Variants in PEX13 observed in about 807,000 individuals in gnomAD.
PEX13 encodes the protein peroxisome biogenesis factor 13.
Under a neutral mutation model 34.5 loss-of-function variants are expected in PEX13, and 28 were observed. The observed-to-expected ratio is 0.81, with a 90% CI of 0.60 to 1.11. The LOEUF (loss-of-function observed/expected upper bound fraction) is 1.11, where lower values mean the gene tolerates loss of function less well. Ranked by LOEUF, PEX13 falls within the 50% of genes most tolerant of loss-of-function variation. The pLI, the probability that PEX13 is intolerant of heterozygous loss-of-function variation, is 0.00. For synonymous variants in PEX13, 177 were observed against 175.1 expected, an observed-to-expected ratio of 1.01 and a Z score of -0.09; for missense variants, 550 against 491.0, an observed-to-expected ratio of 1.12 and a Z score of -1.13.
intron 1 of PEX13, among the ~76,000 whole-genome samples, chr2:61,027,728 G>GTCC (rs1680383317): frequency 6.6e-6 from 1 of 152,090 alleles, no homozygotes; most frequent in South Asian, 2.1e-4. Context: ...TCTTCCATAA[G>GTCC]TCTGTCTTGT....
chr2:61,038,088 G>C (rs745575600), intron 2 of PEX13, among the ~76,000 whole-genome samples: 6 of 152,072 alleles, frequency 3.9e-5, no homozygotes, highest in Non-Finnish European at 5.9e-5. Context: ...ACCAATAACA[G>C]GTTCTGAAAT....
intron 2 of PEX13, among the ~76,000 whole-genome samples, chr2:61,042,027 GC>G (rs1305651659): frequency 6.6e-6 from 1 of 152,208 alleles, no homozygotes; most frequent in Non-Finnish European, 1.5e-5. Context: ...GCAAACCGTG[GC>G]TTGTGGGCCA....
rs1680776858 is a variant in PEX13 at position 61,050,376 on chromosome 2, A to AAAAC, written c.*1618_*1621dup. 1.3e-5 allele frequency: 2 copies of AAAAC among 152,286 alleles called. No individual in the cohort carries two copies. The highest frequency in any genetic ancestry group is 6.5e-5 in the Admixed American group (1 of 15,274). The allele number at this position is 152,286 out of a possible 1,614,324, so 9.4% of individuals were successfully genotyped here. ...AGGGGACAGAGCAAGACTCTGTCTC[A>AAAAC]AAACAAACAAACAAAAAATAATAAT... On this transcript the variant is annotated 3_prime_UTR_variant, in exon 4 of 4. Transcript: ENST00000295030.
chr2:61,037,619 G>A (rs753107431), intron 2 of PEX13, among the ~76,000 whole-genome samples: 4 of 152,198 alleles, frequency 2.6e-5, no homozygotes, highest in Non-Finnish European at 5.9e-5. Flanking sequence ...AAAGCAGTGT[G>A]TAAAGGAAAA....
At chr2:61,027,125 C>G (rs1680369918) in intron 1 of PEX13, among the ~76,000 whole-genome samples, 1 of 150,550 alleles carries the variant, frequency 6.6e-6, no homozygotes, top group Admixed American at 6.6e-5. Context: ...GAGTTGGAAA[C>G]CAGCCTCTCA....
intron 1 of PEX13, among the ~76,000 whole-genome samples, chr2:61,019,754 C>T (rs143445400): frequency 6.6e-6 from 1 of 152,294 alleles, no homozygotes; most frequent in African/African-American, 2.4e-5. Flanking sequence ...ATCTTAATTA[C>T]AGAATTTTAT....
At chr2:61,018,160 A>G in intron 1 of PEX13, 1 of 1,550,748 alleles carries the variant, frequency 6.4e-7, no homozygotes, top group East Asian at 2.4e-5. Context: ...TCACTTTGAC[A>G]GAATGGCTTC....
In PEX13 at chr2:61,045,706, A is replaced by C; in HGVS notation, c.788-20A>C. On this transcript the variant is annotated intron_variant, in intron 2 of 3. Transcript: ENST00000295030. ...TTTCTTTTGTAAATTTTATTAACCT[A>C]ATTTTAATTTGGCTTATAGACAGCA... 2.5e-6 allele frequency: 4 copies of C among 1,609,190 alleles called. No individual in the cohort carries two copies. The highest frequency in any genetic ancestry group is 3.4e-6 in the Non-Finnish European group (4 of 1,175,650).
intron 2 of PEX13, among the ~76,000 whole-genome samples, chr2:61,032,890 G>T (rs931529064): frequency 6.6e-6 from 1 of 152,136 alleles, no homozygotes; most frequent in Admixed American, 6.5e-5. Flanking sequence ...GAAAATATGA[G>T]ATTTATTTGG....
intron 1 of PEX13, among the ~76,000 whole-genome samples, chr2:61,026,192 A>T (rs1471691408): frequency 6.6e-6 from 1 of 151,788 alleles, no homozygotes; most frequent in East Asian, 1.9e-4. Context: ...GTTCATTGGG[A>T]GGGTTAATCT....
intron 2 of PEX13, among the ~76,000 whole-genome samples, chr2:61,044,775 A>G (rs1032648297): frequency 8.5e-5 from 13 of 152,220 alleles, no homozygotes; most frequent in African/African-American, 3.1e-4. Context: ...GACAACACCT[A>G]ATACAGTTTG....
chr2:61,045,349 T>A (rs532194532), intron 2 of PEX13, among the ~76,000 whole-genome samples: 2 of 152,252 alleles, frequency 1.3e-5, no homozygotes, highest in Non-Finnish European at 2.9e-5. Context: ...ACATGGTTAT[T>A]ATATTTTTAA....
intron 1 of PEX13, among the ~76,000 whole-genome samples, chr2:61,022,535 A>C (rs897921370): frequency 6.6e-5 from 10 of 152,252 alleles, no homozygotes; most frequent in African/African-American, 2.4e-4. Flanking sequence ...TTCTCAATGA[A>C]CTTTGATTAG....
At chr2:61,032,156 AT>A (rs747314256) in intron 2 of PEX13, 43 bp downstream of exon 2, 1 of 1,289,724 alleles carries the variant, frequency 7.8e-7, no homozygotes, top group Admixed American at 1.8e-5. Flanking sequence ...CCATATAACA[AT>A]CTCAAATTTC....
chr2:61,045,228 A>G (rs1680687217), intron 2 of PEX13, among the ~76,000 whole-genome samples: 1 of 152,226 alleles, frequency 6.6e-6, no homozygotes, highest in Admixed American at 6.5e-5. Context: ...TACAAATTAG[A>G]ATTAGCAAGT....
intron 3 of PEX13, among the ~76,000 whole-genome samples, 192 bp downstream of exon 3, chr2:61,046,043 G>A (rs1235707139): frequency 2.3e-4 from 35 of 152,098 alleles, no homozygotes; most frequent in Admixed American, 2.2e-3. Flanking sequence ...AGAGTTATTC[G>A]AATACTATTT....
Position 61,017,779 on chromosome 2 carries a change from C to G in PEX13, c.20C>G (p.Pro7Arg), listed in dbSNP as rs1303028765. Residue 7 changes from proline (P) to arginine (R), a missense_variant, in exon 1 of 4, where the codon CCT becomes CGT. Physicochemically the swap from Pro to Arg is moderately radical, Grantham distance 103. Coordinates refer to ENST00000295030, the MANE Select transcript of PEX13 (RefSeq NM_002618.4). Reference protein sequence around the residue: MASQPPPPPKPWETRRI... With the variant: MASQPPRPPKPWETRRI... ...GAGGAGATGGCGTCCCAGCCGCCAC[C>G]TCCCCCCAAACCCTGGGAGACCCGC... 6.5e-7 allele frequency: 1 copy of G among 1,550,112 alleles called. No homozygotes were observed.
chr2:61,028,728 T>G (rs936460560), intron 1 of PEX13, among the ~76,000 whole-genome samples: 3 of 152,120 alleles, frequency 2.0e-5, no homozygotes, highest in Non-Finnish European at 2.9e-5. Flanking sequence ...GTTGACTCTT[T>G]AGAAGGTCAG....
At chr2:61,045,996 T>G (rs1450930023) in intron 3 of PEX13, 145 bp downstream of exon 3, 9 of 727,426 alleles carry the variant, frequency 1.2e-5, no homozygotes, top group Non-Finnish European at 1.9e-5. Flanking sequence ...AATTTAGAGC[T>G]TCCAAATCTG....
Sources: gnomAD v4.1 joint callset for allele counts (sites outside exome capture counted in the v4.1 genomes callset) on GRCh38, gnomAD v4.1.1 for gene constraint, MANE v1.5 for transcripts, NCBI Gene and HGNC (gene_info 2026-07-23, HGNC 2026-07-21) for gene names.